The following ZNF407 variants were observed in gnomAD, a reference collection of about 807,000 sequenced individuals.
The protein encoded by ZNF407 is zinc finger protein 407.
Under a neutral mutation model 131.2 loss-of-function variants are expected in ZNF407, and 17 were observed. That is an observed-to-expected ratio of 0.13 (90% CI 0.09 to 0.19). The LOEUF (loss-of-function observed/expected upper bound fraction) is 0.19, where lower values mean the gene tolerates loss of function less well. ZNF407 is among the 10% of genes least tolerant of loss of function. The pLI, the probability that ZNF407 is intolerant of heterozygous loss-of-function variation, is 1.00. For synonymous variants in ZNF407, 1,156 were observed against 1,062.0 expected, an observed-to-expected ratio of 1.09 and a Z score of -1.72; for missense variants, 2,681 against 2,830.6, an observed-to-expected ratio of 0.95 and a Z score of 1.20.
At chr18:75,009,857 TTTCAATAGTCATA>T (rs1972954063) in intron 8 of ZNF407, among the ~76,000 whole-genome samples, 1 of 152,214 alleles carries the variant, frequency 6.6e-6, no homozygotes, top group African/African-American at 2.4e-5. Flanking sequence ...ACACACCCTA[TTTCAATAGTCATA>T]AGACTTTTGT....
intron 3 of ZNF407, among the ~76,000 whole-genome samples, chr18:74,780,053 A>G (rs1470834591): frequency 6.6e-6 from 1 of 151,894 alleles, no homozygotes; most frequent in Non-Finnish European, 1.5e-5. Context: ...TAATATTATC[A>G]CAGTTTTTTT....
At chr18:74,643,414 G>A (rs1294537548) in intron 3 of ZNF407, among the ~76,000 whole-genome samples, 1 of 151,980 alleles carries the variant, frequency 6.6e-6, no homozygotes, top group East Asian at 1.9e-4. Context: ...ACAAACAGAA[G>A]GTCCTGCATT....
intron 8 of ZNF407, among the ~76,000 whole-genome samples, chr18:75,055,918 TGA>T (rs756100789): frequency 1.2e-4 from 18 of 152,370 alleles, no homozygotes; most frequent in Non-Finnish European, 2.6e-4. Context: ...TGAATGTATG[TGA>T]AAGAATTTTT....
chr18:74,832,510 A>G (rs1970500012), intron 4 of ZNF407, among the ~76,000 whole-genome samples: 1 of 151,616 alleles, frequency 6.6e-6, no homozygotes. Flanking sequence ...GCTGGAGTGC[A>G]GTAGTATGAT....
chr18:74,693,391 A>T (rs568993092), intron 3 of ZNF407, among the ~76,000 whole-genome samples: 9 of 152,302 alleles, frequency 5.9e-5, no homozygotes, highest in Non-Finnish European at 1.2e-4. Context: ...AATTTTTGTA[A>T]TTCTCTTTCT....
chr18:74,676,727 C>CAA (rs2144766665), intron 3 of ZNF407, among the ~76,000 whole-genome samples: 1 of 152,226 alleles, frequency 6.6e-6, no homozygotes, highest in East Asian at 1.9e-4. Flanking sequence ...AGCCACTGTG[C>CAA]CCGGCCAGTA....
chr18:74,698,364 G>A lies in ZNF407; in HGVS notation c.4802+57242G>A, dbSNP rs542121. Among the ~76,000 whole-genome samples, 660 of 152,316 alleles carry A rather than the reference G, an allele frequency of 4.3e-3. 5 individuals carry two copies. Among genetic ancestry groups the A allele is most frequent in the African/African-American group, 0.015 (623 of 41,578 alleles). On this transcript the variant is annotated intron_variant, in intron 3 of 8. Transcript: ENST00000299687. Reference sequence around the variant, plus strand: ...ATCTAGACTTATAACCAGCATAGCTGAGTTAGTCATTTGTCTCTCACCTGA... The same window carrying A: ...ATCTAGACTTATAACCAGCATAGCTAAGTTAGTCATTTGTCTCTCACCTGA...
At chr18:74,630,878 C>CT in intron 1 of ZNF407, 89 bp from the exon 2 acceptor site, 1 of 1,009,578 alleles carries the variant, frequency 9.9e-7, no homozygotes, top group Non-Finnish European at 1.4e-6. Flanking sequence ...TTCATTGGGG[C>CT]TAACTTCATG....
At chr18:74,700,102 AT>A in intron 3 of ZNF407, among the ~76,000 whole-genome samples, 1 of 152,354 alleles carries the variant, frequency 6.6e-6, no homozygotes, top group East Asian at 1.9e-4. Context: ...TCCTAAGGAC[AT>A]TTGGATAGTA....
At position 75,004,214 on chromosome 18, in the gene ZNF407, G is replaced by A. The variant is rs182490132; in HGVS notation, c.5429-58936G>A. On this transcript the variant is annotated intron_variant, in intron 8 of 8. Coordinates refer to ENST00000299687, the MANE Select transcript of ZNF407 (RefSeq NM_017757.3). The stretch of plus-strand genomic sequence containing the variant: ...TAGCACCGGTGTTAAGTGGCAGTGA[G>A]AAAACACTTCTTCAGAGAATAAGAG... Among the ~76,000 whole-genome samples, 549 of 152,282 alleles carry A rather than the reference G, an allele frequency of 3.6e-3. 5 individuals carry two copies. Among genetic ancestry groups the A allele is most frequent in the African/African-American group, 0.012 (507 of 41,550 alleles).
chr18:74,836,658 A>G (rs1970563913), intron 4 of ZNF407, among the ~76,000 whole-genome samples: 1 of 152,176 alleles, frequency 6.6e-6, no homozygotes, highest in African/African-American at 2.4e-5. Context: ...TGATGGATAA[A>G]CCGTCTGAGT....
chr18:74,766,339 CTA>C (rs1348130636), intron 3 of ZNF407, among the ~76,000 whole-genome samples: 2 of 152,136 alleles, frequency 1.3e-5, no homozygotes, highest in African/African-American at 4.8e-5. Flanking sequence ...GGGTCCCATC[CTA>C]TGCTTCTTAA....
At chr18:74,857,321 A>G (rs1970873009) in intron 4 of ZNF407, among the ~76,000 whole-genome samples, 1 of 152,144 alleles carries the variant, frequency 6.6e-6, no homozygotes, top group Non-Finnish European at 1.5e-5. Flanking sequence ...ATACTTCTGG[A>G]CTATGTTTAA....
chr18:74,853,690 T>G (rs927036696), intron 4 of ZNF407, among the ~76,000 whole-genome samples: 17 of 152,164 alleles, frequency 1.1e-4, no homozygotes, highest in Admixed American at 2.0e-4. Flanking sequence ...ATGTTATCTT[T>G]GTTGCTTTAC....
In ZNF407 at chr18:74,781,513, T is replaced by G; in HGVS notation, c.4877+11T>G. 6.7e-7 allele frequency: 1 copy of G among 1,496,332 alleles called. No individual in the cohort carries two copies. Among genetic ancestry groups the G allele is most frequent in the Non-Finnish European group, 8.9e-7 (1 of 1,124,870 alleles). 92.7% of individuals were successfully genotyped at this position (1,496,332 alleles called of 1,614,324 possible). A position where few individuals can be genotyped will look rare whatever the true frequency, so the allele number is the denominator to read the frequency against. On this transcript the variant is annotated intron_variant, in intron 4 of 8. Transcript: ENST00000299687. ...CACCCCAAAAGAAAGGTAATTTTCA[T>G]TCTTTTTTTTTCATTTAAAAATACA...
At chr18:74,856,762 T>C (rs756762113) in intron 4 of ZNF407, among the ~76,000 whole-genome samples, 60 of 152,356 alleles carry the variant, frequency 3.9e-4, no homozygotes, top group African/African-American at 1.2e-3. Context: ...CAATGTAATT[T>C]ATCAAGAGAG....
chr18:74,643,165 G>T (rs17055295), intron 3 of ZNF407, among the ~76,000 whole-genome samples: 2,440 of 152,156 alleles, frequency 0.016, 70 homozygotes, highest in African/African-American at 0.056. Context: ...GCAAGGATTG[G>T]TTATCAGATT....
chr18:74,964,589 T>TC (rs1459673625), intron 8 of ZNF407, among the ~76,000 whole-genome samples: 2 of 151,544 alleles, frequency 1.3e-5, no homozygotes, highest in African/African-American at 4.8e-5. Flanking sequence ...GGTTTTTTTT[T>TC]TTTTTTTTTT....
intron 3 of ZNF407, among the ~76,000 whole-genome samples, chr18:74,671,089 C>A (rs1381388307): frequency 6.6e-6 from 1 of 152,176 alleles, no homozygotes; most frequent in Non-Finnish European, 1.5e-5. Flanking sequence ...ACCCGATAAG[C>A]CCTGAGTGCC....
Sources: allele counts gnomAD v4.1 joint callset (sites outside exome capture counted in the v4.1 genomes callset), GRCh38; gene constraint gnomAD v4.1.1; transcripts MANE v1.5; gene names NCBI Gene and HGNC (gene_info 2026-07-23, HGNC 2026-07-21).